FRAS1: variants seen among roughly 807,000 people sequenced by gnomAD.
FRAS1 encodes the protein Fraser extracellular matrix complex subunit 1, also known as extracellular matrix organizing protein FRAS1.
Under a neutral mutation model 435.2 loss-of-function variants are expected in FRAS1, and 290 were observed. The observed-to-expected ratio is 0.67, with a 90% CI of 0.61 to 0.73. The LOEUF is 0.73. FRAS1 is among the 30% of genes least tolerant of loss of function. The probability of loss-of-function intolerance (pLI) is 0.00; values close to 1 mark genes in which losing one functional copy is unlikely to be tolerated. For synonymous variants in FRAS1, 1,800 were observed against 1,851.0 expected (o/e 0.97, Z 0.71); for missense variants, 4,860 against 5,001.5 (o/e 0.97, Z 0.85).
chr4:78,298,028 C>CTATATA (rs1307535540), intron 14 of FRAS1, among the ~76,000 whole-genome samples: 32 of 101,982 alleles, frequency 3.1e-4, no homozygotes, highest in Non-Finnish European at 4.6e-4. Flanking sequence ...CTCTCTCTCT[C>CTATATA]TCTATATATA....
At chr4:78,491,242 G>C (rs1014009170) in intron 59 of FRAS1, among the ~76,000 whole-genome samples, 1 of 152,140 alleles carries the variant, frequency 6.6e-6, no homozygotes, top group South Asian at 2.1e-4. Flanking sequence ...AGAGGAGCTG[G>C]TACCATTACT....
chr4:78,318,981 G>A lies in FRAS1; in HGVS notation c.2132G>A (p.Cys711Tyr), dbSNP rs201740573. The A allele has an allele frequency of 3.1e-4, 500 of 1,613,772 alleles. No individual in the cohort carries two copies. The highest frequency in any genetic ancestry group is 4.1e-4 in the Non-Finnish European group (479 of 1,179,808). The change falls in exon 18 of 74, where the codon TGT (cysteine) becomes TAT (tyrosine). Residue 711 changes from cysteine to tyrosine, a missense_variant. Coordinates refer to ENST00000512123, the MANE Select transcript of FRAS1 (RefSeq NM_025074.7). ...TTTTACTTGGAGAGCACTGGCATATGTGAAGGTAAGCATGATTTGAGAAAG... is the reference window on the plus strand; with the variant it reads ...TTTTACTTGGAGAGCACTGGCATATATGAAGGTAAGCATGATTTGAGAAAG... ...AHFYLESTGI[C>Y]EACHQSCFRC... is the part of the protein sequence containing the mutation.
intron 2 of FRAS1, among the ~76,000 whole-genome samples, chr4:78,089,065 G>T (rs1270963705): frequency 6.6e-6 from 1 of 152,072 alleles, no homozygotes; most frequent in Admixed American, 6.6e-5. Flanking sequence ...TTAAGAAAAT[G>T]TGGCACATAT....
chr4:78,304,005 C>T (rs1398001007), intron 14 of FRAS1, among the ~76,000 whole-genome samples: 1 of 151,760 alleles, frequency 6.6e-6, no homozygotes, highest in Non-Finnish European at 1.5e-5. Flanking sequence ...TCATAGATAG[C>T]TCTTATTATT....
chr4:78,482,374 G>T lies in FRAS1; in HGVS notation c.8605-14G>T, dbSNP rs759766299. On this transcript the variant is annotated splice_polypyrimidine_tract_variant and intron_variant, in intron 57 of 73. Transcript: ENST00000512123. ...GTGGGTCCTCTGTCAAGTTTGCTTT[G>T]GTTTCTCTTCTAGTATTGCACCTTG... The T allele has an allele frequency of 6.2e-7, 1 of 1,613,680 alleles. No individual in the cohort carries two copies. Among genetic ancestry groups the T allele is most frequent in the South Asian group, 1.1e-5 (1 of 91,062 alleles).
intron 2 of FRAS1, among the ~76,000 whole-genome samples, chr4:78,098,522 A>G (rs1227212131): frequency 6.6e-6 from 1 of 152,050 alleles, no homozygotes; most frequent in East Asian, 1.9e-4. Flanking sequence ...TTATCCATCC[A>G]TCTTGGCCTC....
chr4:78,096,653 G>T (rs1741823274), intron 2 of FRAS1, among the ~76,000 whole-genome samples: 1 of 152,240 alleles, frequency 6.6e-6, no homozygotes, highest in Non-Finnish European at 1.5e-5. Context: ...ACCCTCTGAA[G>T]CCATGGCCTG....
intron 59 of FRAS1, 37 bp from the exon 60 acceptor site, chr4:78,496,768 C>A (rs1244231916): frequency 6.4e-6 from 10 of 1,565,838 alleles, no homozygotes; most frequent in Non-Finnish European, 8.6e-6. Flanking sequence ...TGATATCTTG[C>A]TGAAAATTTT....
At chr4:78,439,205 G>A in intron 40 of FRAS1, 141 bp downstream of exon 40, 4 of 680,688 alleles carry the variant, frequency 5.9e-6, no homozygotes, top group Non-Finnish European at 1.0e-5. Flanking sequence ...GATATGCATG[G>A]TTTTCAATCA....
At position 78,481,970 on chromosome 4, in the gene FRAS1, T is replaced by TG; in HGVS notation, c.8604+6_8604+7insG. 1.2e-6 allele frequency: 2 copies of TG among 1,612,394 alleles called. No individual in the cohort carries two copies. Among genetic ancestry groups the TG allele is most frequent in the Non-Finnish European group, 1.7e-6 (2 of 1,179,524 alleles). ...GGCCTGGTGTCATTGAACAGGTGCG[T>TG]TTACAGCAGTCGAGACTCCACAAAG... On this transcript the variant is annotated splice_region_variant and intron_variant, in intron 57 of 73. Transcript: ENST00000512123.
At chr4:78,282,665 CTT>C (rs1727386468) in intron 11 of FRAS1, among the ~76,000 whole-genome samples, 153 bp from the exon 12 acceptor site, 1 of 152,204 alleles carries the variant, frequency 6.6e-6, no homozygotes, top group Non-Finnish European at 1.5e-5. Flanking sequence ...ATTTAGGACT[CTT>C]TTGCTATTGT....
At chr4:78,179,229 C>T (rs566472957) in intron 2 of FRAS1, among the ~76,000 whole-genome samples, 6 of 152,286 alleles carry the variant, frequency 3.9e-5, no homozygotes, top group South Asian at 2.1e-4. Flanking sequence ...TTGTTCTCAC[C>T]GACTGGAAGT....
Position 78,419,043 on chromosome 4 carries a change from T to C in FRAS1, c.4520T>C (p.Leu1507Pro). 1 of 1,569,530 alleles carries C rather than the reference T, an allele frequency of 6.4e-7. No individual in the cohort carries two copies. Among genetic ancestry groups the C allele is most frequent in the South Asian group, 1.2e-5 (1 of 82,752 alleles). ...GGAAAGATTGTCTACAACATCACTC[T>C]ACCTCTGCATCCAAATCAAGGTAAG... ...PSGKIVYNIT[L>P]PLHPNQGIIE... is the part of the protein sequence containing the mutation. The change falls in exon 33 of 74, where the codon CTA becomes CCA. Residue 1507 changes from leucine to proline, a missense_variant. Coordinates refer to ENST00000512123, the MANE Select transcript of FRAS1 (RefSeq NM_025074.7).
chr4:78,539,159 C>T (rs569729394), intron 72 of FRAS1, 135 bp from the exon 73 acceptor site: 6 of 755,692 alleles, frequency 7.9e-6, no homozygotes, highest in African/African-American at 7.1e-5. Context: ...ATGGAGAGGG[C>T]TTCACAGCAC....
At chr4:78,291,798 C>G (rs1047296027) in intron 14 of FRAS1, among the ~76,000 whole-genome samples, 1 of 152,020 alleles carries the variant, frequency 6.6e-6, no homozygotes, top group African/African-American at 2.4e-5. Context: ...AATCCAAAAG[C>G]CTTTGAAGTT....
At chr4:78,255,809 G>T (rs2110138078) in intron 6 of FRAS1, among the ~76,000 whole-genome samples, 1 of 152,300 alleles carries the variant, frequency 6.6e-6, no homozygotes, top group Non-Finnish European at 1.5e-5. Flanking sequence ...ATAGGATAAT[G>T]ATTCAAATTA....
chr4:78,387,748 A>T, intron 29 of FRAS1, 47 bp downstream of exon 29: 1 of 1,234,772 alleles, frequency 8.1e-7, no homozygotes. Context: ...CTAGATGTGA[A>T]CTTCTACGGT....
chr4:78,502,489 T>A (rs1720715629), intron 61 of FRAS1, among the ~76,000 whole-genome samples: 2 of 152,222 alleles, frequency 1.3e-5, no homozygotes, highest in South Asian at 4.1e-4. Flanking sequence ...CAATTGTGAA[T>A]GGGAGTTCAC....
intron 2 of FRAS1, among the ~76,000 whole-genome samples, chr4:78,199,115 T>C (rs1722944523): frequency 6.6e-6 from 1 of 152,170 alleles, no homozygotes; most frequent in Non-Finnish European, 1.5e-5. Flanking sequence ...TTTTTACATG[T>C]ATTTTATGTT....
Sources: allele counts gnomAD v4.1 joint callset (sites outside exome capture counted in the v4.1 genomes callset), GRCh38; gene constraint gnomAD v4.1.1; transcripts MANE v1.5; gene names NCBI Gene and HGNC (gene_info 2026-07-23, HGNC 2026-07-21).